Variants in SLC4A8 observed in about 807,000 individuals in gnomAD.
The protein encoded by SLC4A8 is solute carrier family 4 member 8.
SLC4A8 carries 40 observed loss-of-function variants against 125.0 expected under a neutral mutation model. The ratio of observed to expected loss-of-function variants is 0.32; its 90% confidence interval spans 0.25 to 0.42. The LOEUF (loss-of-function observed/expected upper bound fraction) is 0.42, where lower values mean the gene tolerates loss of function less well. Ranked by LOEUF, SLC4A8 falls within the 10% of genes least tolerant of loss-of-function variation. The pLI, the probability that SLC4A8 is intolerant of heterozygous loss-of-function variation, is 1.00. For missense variants in SLC4A8, 863 were observed against 1,355.1 expected, an observed-to-expected ratio of 0.64 and a Z score of 5.70; for synonymous variants, 456 against 476.0, an observed-to-expected ratio of 0.96 and a Z score of 0.55.
chr12:51,496,172 G>A (rs141558504), intron 21 of SLC4A8, among the ~76,000 whole-genome samples: 203 of 152,324 alleles, frequency 1.3e-3, no homozygotes, highest in African/African-American at 4.7e-3. Flanking sequence ...TCCTAGAAGG[G>A]ATCCTATCAA....
upstream of SLC4A8, among the ~76,000 whole-genome samples, chr12:51,423,968 G>A (rs11169836): frequency 0.066 from 9,752 of 146,860 alleles, 434 homozygotes; most frequent in East Asian, 0.22. Flanking sequence ...CTGGATAGGC[G>A]GAGGTTGCAG....
rs78603482 is a variant in SLC4A8, at chr12:51,464,573, G to A, written c.1349+859G>A. ...TTTTGGGTTAGTGTGATATCCAGGG[G>A]TGTCCCCAGAGAAGGTTGAGACTAT... On this transcript the variant is annotated intron_variant, in intron 11 of 24. Coordinates refer to ENST00000453097, the MANE Select transcript of SLC4A8 (RefSeq NM_001039960.3). Among the ~76,000 whole-genome samples the A allele has an allele frequency of 1.6e-3, 240 of 152,290 alleles. 1 individual carries two copies. Among genetic ancestry groups the A allele is most frequent in the Admixed American group, 2.5e-3 (38 of 15,302 alleles).
chr12:51,466,744 T>C (rs897669537), intron 11 of SLC4A8, among the ~76,000 whole-genome samples: 3 of 152,234 alleles, frequency 2.0e-5, no homozygotes, highest in African/African-American at 4.8e-5. Context: ...ATTTTATTAA[T>C]TTATAGTTAT....
intron 16 of SLC4A8, among the ~76,000 whole-genome samples, chr12:51,478,512 T>C (rs1023760083): frequency 1.3e-5 from 2 of 152,182 alleles, no homozygotes; most frequent in Non-Finnish European, 2.9e-5. Flanking sequence ...TTTTGGTTTA[T>C]TTCAGTATTT....
rs138370222 is a variant in SLC4A8, at chr12:51,457,888, A to G, written c.763+349A>G. 5.3e-5 allele frequency among the ~76,000 whole-genome samples: 8 copies of G among 152,282 alleles called. No homozygotes were observed. The East Asian group carries it at 1.5e-3, about 29-fold the overall frequency. ...AGCAAACAAATATCTTAGATTAGGG[A>G]GGCAAAATACAGTAGAGTAGGCTCT... On this transcript the variant is annotated intron_variant, in intron 6 of 24. Coordinates refer to ENST00000453097, the MANE Select transcript of SLC4A8 (RefSeq NM_001039960.3).
chr12:51,458,522 C>G, intron 6 of SLC4A8, 37 bp from the exon 7 acceptor site: 1 of 1,443,336 alleles, frequency 6.9e-7, no homozygotes, highest in South Asian at 1.1e-5. Context: ...GGGAAAAGGG[C>G]AGGGACTCAG....
chr12:51,461,468 T>G, intron 9 of SLC4A8, 177 bp downstream of exon 9: 1 of 474,766 alleles, frequency 2.1e-6, no homozygotes, highest in African/African-American at 2.0e-5. Flanking sequence ...CTCTAGAGGA[T>G]TTTTCTTCCT....
rs1938444402 is a variant in SLC4A8 at position 51,513,768 on chromosome 12, A to C, written c.*6330A>C. The stretch of plus-strand genomic sequence containing the variant: ...GCGCCCGGCCAGTGATTGGCTTTTA[A>C]ATTAATCACAAATGTTTGATAAAAT... On this transcript the variant is annotated 3_prime_UTR_variant, in exon 25 of 25. Transcript: ENST00000453097. The C allele has an allele frequency of 6.6e-6, 1 of 152,204 alleles. No individual in the cohort carries two copies. The highest frequency in any genetic ancestry group is 1.5e-5 in the Non-Finnish European group (1 of 68,048). The allele number at this position is 152,204 out of a possible 1,614,324, so 9.4% of individuals were successfully genotyped here.
At chr12:51,468,471 C>T (rs182269394) in intron 11 of SLC4A8, among the ~76,000 whole-genome samples, 1 of 152,256 alleles carries the variant, frequency 6.6e-6, no homozygotes, top group East Asian at 1.9e-4. Flanking sequence ...TCCTTAAAAC[C>T]ATTTCTGGCC....
chr12:51,486,013 T>A, intron 17 of SLC4A8, 113 bp downstream of exon 17: 1 of 627,446 alleles, frequency 1.6e-6, no homozygotes. Flanking sequence ...GTCCCCTAAA[T>A]CTGAACCTTG....
chr12:51,471,447 T>C lies in SLC4A8; in HGVS notation c.1819T>C (p.Tyr607His). 6.2e-7 allele frequency: 1 copy of C among 1,614,208 alleles called. No homozygotes were observed. Among genetic ancestry groups the C allele is most frequent in the Non-Finnish European group, 8.5e-7 (1 of 1,180,016 alleles). The stretch of plus-strand genomic sequence containing the variant: ...CTCCCTAATTTGCATTATTTTCATC[T>C]ATGAAGCAATAGAAAAACTGATTCA... ...FASLICIIFI[Y>H]EAIEKLIHLA... Residue 607 changes from tyrosine (Y) to histidine (H), a missense_variant, in exon 14 of 25, where the codon TAT becomes CAT. Physicochemically the swap from Tyr to His is moderately conservative, Grantham distance 83. Around this residue, in one of 6 missense-constraint regions of SLC4A8, gnomAD observed 76 missense variants for 80.2 expected, o/e 0.95. Transcript: ENST00000453097.
intron 9 of SLC4A8, chr12:51,462,008 A>G (rs1427809943): frequency 1.4e-5 from 3 of 218,118 alleles, no homozygotes; most frequent in Non-Finnish European, 2.7e-5. Flanking sequence ...TTTTTTTCAT[A>G]TATCTTGCCT....
At position 51,418,596 on chromosome 12, in the gene SLC4A8, T is replaced by C. The variant is rs527895811; in HGVS notation, c.-111-22112T>C. 6.6e-5 allele frequency among the ~76,000 whole-genome samples: 10 copies of C among 152,302 alleles called. No homozygotes were observed. The South Asian group carries it at 2.1e-3, about 32-fold the overall frequency. On this transcript the variant is annotated intron_variant, in intron 1 of 24. Coordinates refer to the SLC4A8 transcript ENST00000358657. The stretch of plus-strand genomic sequence containing the variant: ...CTTTCTTATATTTTCTGTTGGTTTG[T>C]AGAAAGGGCTAAAGAACTCTGCCTT...
rs562267954 is a variant in SLC4A8 at position 51,397,049 on chromosome 12, C to A, written c.-112+5561C>A. Among the ~76,000 whole-genome samples, 393 of 151,244 alleles carry A rather than the reference C, an allele frequency of 2.6e-3. 1 individual carries two copies. The highest frequency in any genetic ancestry group is 9.1e-3 in the African/African-American group (376 of 41,186). ...GGTTCAAGCGATTCTCGTGCCTCAG[C>A]CTCCCGAGTAGCTGGGATTACAGGT... On this transcript the variant is annotated intron_variant, in intron 1 of 24. Coordinates refer to the SLC4A8 transcript ENST00000358657.
Position 51,471,285 on chromosome 12 carries a change from A to G in SLC4A8, c.1659-2A>G, listed in dbSNP as rs1235754093. The G allele has an allele frequency of 6.2e-7, 1 of 1,609,282 alleles. No homozygotes were observed. Among genetic ancestry groups the G allele is most frequent in the Non-Finnish European group, 8.5e-7 (1 of 1,179,276 alleles). ...TTCTGATGAACTTTGGTCTTGTTTC[A>G]GAGACTATGCTCTTTCATACCTCTC... On this transcript the variant is annotated splice_acceptor_variant, in intron 13 of 24. Coordinates refer to ENST00000453097, the MANE Select transcript of SLC4A8 (RefSeq NM_001039960.3). LOFTEE classifies it high-confidence loss of function.
At chr12:51,471,220 A>G (rs1950685856) in intron 13 of SLC4A8, 67 bp from the exon 14 acceptor site, 2 of 1,490,530 alleles carry the variant, frequency 1.3e-6, no homozygotes, top group Admixed American at 3.6e-5. Flanking sequence ...AATTAACCAC[A>G]TTTCTGACTC....
intron 1 of SLC4A8, among the ~76,000 whole-genome samples, chr12:51,432,269 G>A (rs1162695849): frequency 6.6e-6 from 1 of 151,420 alleles, no homozygotes; most frequent in Non-Finnish European, 1.5e-5. Context: ...AAATTAGCCG[G>A]GTGTGGTGGC....
chr12:51,489,317 T>TGG (rs1951242269), intron 18 of SLC4A8, among the ~76,000 whole-genome samples: 1 of 152,118 alleles, frequency 6.6e-6, no homozygotes, highest in South Asian at 2.1e-4. Context: ...GTCAAGGATC[T>TGG]GGGGGTATGT....
At chr12:51,446,036 A>T (rs11609034) in intron 2 of SLC4A8, among the ~76,000 whole-genome samples, 2 of 152,290 alleles carry the variant, frequency 1.3e-5, no homozygotes, top group Non-Finnish European at 2.9e-5. Context: ...TAATGAGTTA[A>T]CAAATTGTAT....
Sources: gnomAD v4.1 joint callset for allele counts (sites outside exome capture counted in the v4.1 genomes callset) on GRCh38, gnomAD v4.1.1 for gene constraint, gnomAD v4.1.1 regional missense constraint, MANE v1.5 for transcripts, NCBI Gene and HGNC (gene_info 2026-07-23, HGNC 2026-07-21) for gene names.